The following SPIRE2 variants were observed in gnomAD, a reference collection of about 807,000 sequenced individuals.
SPIRE2 encodes the protein protein spire homolog 2.
In SPIRE2, 76 loss-of-function variants were observed where a neutral mutation model predicts 80.7. The observed-to-expected ratio is 0.94, with a 90% CI of 0.78 to 1.14. The LOEUF (loss-of-function observed/expected upper bound fraction) is 1.14, where lower values mean the gene tolerates loss of function less well. Among genes scored for constraint, SPIRE2 ranks in the 50% most tolerant of loss-of-function variants. The pLI is 0.00. For missense variants in SPIRE2, 1,196 were observed against 1,015.3 expected (o/e 1.18, Z -2.42); for synonymous variants, 535 against 432.6 (o/e 1.24, Z -2.94).
intron 5 of SPIRE2, 67 bp from the exon 6 acceptor site, chr16:89,855,533 C>T (rs1316920351): frequency 2.8e-6 from 4 of 1,439,240 alleles, no homozygotes. Context: ...CTGAGCAGGC[C>T]TCTCCCAGTC....
chr16:89,843,667 G>GTTTTTTTTTTTGGTT (rs2041524698), intron 1 of SPIRE2, among the ~76,000 whole-genome samples: 3 of 60,392 alleles, frequency 5.0e-5, no homozygotes, highest in Non-Finnish European at 8.4e-5. Flanking sequence ...TTGCTGCCAC[G>GTTTTTTTTTTTGGTT]TTTTTTTTTT....
chr16:89,828,556 C>G lies in SPIRE2; in HGVS notation c.6C>G (p.Ala2=). ...GAGGCGATGACGGCCCCGCCATGGCCCGGGCGGGCAGCTGCGGCGGCGCCG... is the reference window on the plus strand; with the variant it reads ...GAGGCGATGACGGCCCCGCCATGGCGCGGGCGGGCAGCTGCGGCGGCGCCG... The part of the protein sequence containing the change: M[A]RAGSCGGAAA... Residue 2 remains alanine (A), a synonymous_variant, in exon 1 of 15, where the codon GCC becomes GCG. Coordinates refer to ENST00000378247, the MANE Select transcript of SPIRE2 (RefSeq NM_032451.2). This position sits in a 1 kb window ranked among gnomAD's most constrained non-coding sequence, Gnocchi z 5.9. 8.9e-7 allele frequency: 1 copy of G among 1,127,580 alleles called. No homozygotes were observed. Among genetic ancestry groups the G allele is most frequent in the Non-Finnish European group, 1.1e-6 (1 of 925,636 alleles). The allele number at this position is 1,127,580 out of a possible 1,614,324, so 69.8% of individuals were successfully genotyped here.
intron 2 of SPIRE2, 102 bp downstream of exon 2, chr16:89,845,467 G>A: frequency 9.1e-7 from 1 of 1,098,568 alleles, no homozygotes; most frequent in Non-Finnish European, 1.4e-6. Context: ...AGTTGTTTCA[G>A]GGAGGCAGGG....
At chr16:89,846,744 C>G (rs916674598) in intron 2 of SPIRE2, 1 of 150,902 alleles carries the variant, frequency 6.6e-6, no homozygotes, top group Non-Finnish European at 1.5e-5. Context: ...AACTCCTGAC[C>G]TCATGATTCA....
chr16:89,855,908 GCCCAC>G, intron 6 of SPIRE2, 200 bp from the exon 7 acceptor site: 1 of 1,032,644 alleles, frequency 9.7e-7, no homozygotes, highest in Non-Finnish European at 1.4e-6. Context: ...TGTGAGCCAT[GCCCAC>G]CCCACCCCAG....
chr16:89,838,925 T>G (rs976332105), intron 1 of SPIRE2, among the ~76,000 whole-genome samples: 1 of 151,098 alleles, frequency 6.6e-6, no homozygotes, highest in African/African-American at 2.4e-5. Flanking sequence ...AGACGGGGTT[T>G]CACCATGTTG....
At chr16:89,854,018 C>T (rs937273939) in intron 3 of SPIRE2, among the ~76,000 whole-genome samples, 10 of 152,240 alleles carry the variant, frequency 6.6e-5, no homozygotes, top group Admixed American at 2.6e-4. Flanking sequence ...TGCGGGGACT[C>T]GGGGGTGGCA....
intron 1 of SPIRE2, among the ~76,000 whole-genome samples, chr16:89,837,854 G>A (rs528323780): frequency 1.1e-4 from 17 of 152,270 alleles, no homozygotes; most frequent in African/African-American, 3.6e-4. Flanking sequence ...GAGCACTGGC[G>A]GAAGTGAGAT....
chr16:89,855,803 G>A, intron 6 of SPIRE2, 117 bp downstream of exon 6: 1 of 1,067,894 alleles, frequency 9.4e-7, no homozygotes, highest in Non-Finnish European at 1.4e-6. Context: ...GTGTCCCAGT[G>A]CGTCTGCGTC....
rs1262923138 is a variant in SPIRE2 at position 89,858,391 on chromosome 16, ACCT to A, written c.1160_1162del (p.Ser387del). The stretch of plus-strand genomic sequence containing the variant: ...CGCCTGCTCCGGAGATGCCAAGTCC[ACCT>A]CCTGCATCAACCTGTCAGTCACAGA... On this transcript the variant is annotated inframe_deletion, in exon 8 of 15. Transcript: ENST00000378247. 1 of 1,611,814 alleles carries A rather than the reference ACCT, an allele frequency of 6.2e-7. No homozygotes were observed. The highest frequency in any genetic ancestry group is 8.5e-7 in the Non-Finnish European group (1 of 1,179,500).
intron 3 of SPIRE2, among the ~76,000 whole-genome samples, chr16:89,853,819 G>A (rs541437602): frequency 2.0e-5 from 3 of 152,272 alleles, no homozygotes; most frequent in African/African-American, 7.2e-5. Context: ...AGTTCACAAA[G>A]TACATACCCA....
Position 89,828,927 on chromosome 16 carries a change from G to A in SPIRE2, c.244+133G>A, listed in dbSNP as rs1156516464. ...GGAGATCCCCTTCTCTGCGGGACCC[G>A]GAGCTCCCTCCCTCCCACTCTCCGT... is the stretch of plus-strand genomic sequence containing the variant. On this transcript the variant is annotated intron_variant, in intron 1 of 14. Coordinates refer to ENST00000378247, the MANE Select transcript of SPIRE2 (RefSeq NM_032451.2). This position sits in a 1 kb window ranked among gnomAD's most constrained non-coding sequence, Gnocchi z 5.9. 5 of 647,018 alleles carry A rather than the reference G, an allele frequency of 7.7e-6. No homozygotes were observed. Among genetic ancestry groups the A allele is most frequent in the Admixed American group, 5.0e-5 (1 of 20,090 alleles). 40.1% of individuals were successfully genotyped at this position (647,018 alleles called of 1,614,324 possible). A position where few individuals can be genotyped will look rare whatever the true frequency, so the allele number is the denominator to read the frequency against.
chr16:89,867,131 G>T (rs534827471), intron 12 of SPIRE2, among the ~76,000 whole-genome samples: 1,922 of 150,066 alleles, frequency 0.013, 19 homozygotes, highest in Non-Finnish European at 0.016. Context: ...TTTGTTTTTT[G>T]TTGTTGTTGT....
chr16:89,866,310 T>G (rs2041788640), intron 12 of SPIRE2, among the ~76,000 whole-genome samples: 2 of 152,186 alleles, frequency 1.3e-5, no homozygotes, highest in Admixed American at 6.5e-5. Context: ...TTTTTTTATT[T>G]TTTTGAGATA....
intron 2 of SPIRE2, among the ~76,000 whole-genome samples, chr16:89,849,696 A>AC (rs1166331532): frequency 6.6e-6 from 1 of 152,064 alleles, no homozygotes; most frequent in Non-Finnish European, 1.5e-5. Context: ...GCAGGTCGGC[A>AC]CCCCCATATC....
At chr16:89,867,782 A>C (rs567537719) in intron 12 of SPIRE2, among the ~76,000 whole-genome samples, 1 of 151,814 alleles carries the variant, frequency 6.6e-6, no homozygotes, top group Non-Finnish European at 1.5e-5. Flanking sequence ...ACGAGGTTTC[A>C]CCTTGTTGGT....
At chr16:89,851,739 G>A (rs1179142233) in intron 3 of SPIRE2, among the ~76,000 whole-genome samples, 2 of 152,064 alleles carry the variant, frequency 1.3e-5, no homozygotes, top group Admixed American at 6.5e-5. Flanking sequence ...CTTTTATCCC[G>A]TCAGCATCTC....
intron 1 of SPIRE2, among the ~76,000 whole-genome samples, chr16:89,829,096 G>A (rs2041355108): frequency 6.6e-6 from 1 of 152,348 alleles, no homozygotes; most frequent in African/African-American, 2.4e-5. Flanking sequence ...GGCTTCCTCC[G>A]GGAGAGGGAC....
chr16:89,836,333 A>G, intron 1 of SPIRE2: 1 of 438,486 alleles, frequency 2.3e-6, no homozygotes, highest in Non-Finnish European at 4.6e-6. Context: ...GAACACAGAC[A>G]GCTTTAGGGG....
Sources: allele counts gnomAD v4.1 joint callset (sites outside exome capture counted in the v4.1 genomes callset), GRCh38; gene constraint gnomAD v4.1.1; non-coding constraint Gnocchi (gnomAD v3.1); transcripts MANE v1.5; gene names NCBI Gene and HGNC (gene_info 2026-07-23, HGNC 2026-07-21).